Variants in PID1 observed in about 807,000 individuals in gnomAD.
PID1 encodes the protein PTB-containing, cubilin and LRP1-interacting protein.
PID1 carries 10 observed loss-of-function variants against 19.1 expected under a neutral mutation model. The observed-to-expected ratio is 0.52, with a 90% CI of 0.32 to 0.89. The LOEUF (loss-of-function observed/expected upper bound fraction) is 0.89. Ranked by LOEUF, PID1 falls within the 40% of genes least tolerant of loss-of-function variation. The probability of loss-of-function intolerance (pLI) is 0.03; values close to 1 mark genes in which losing one functional copy is unlikely to be tolerated. For missense variants in PID1, 248 were observed against 285.3 expected (o/e 0.87, Z 0.94); for synonymous variants, 130 against 116.0 (o/e 1.12, Z -0.78).
At chr2:229,193,776 C>A (rs1185324235) in intron 1 of PID1, among the ~76,000 whole-genome samples, 2 of 148,586 alleles carry the variant, frequency 1.3e-5, no homozygotes. Flanking sequence ...ATATCGTAGC[C>A]TTATTGGGAA....
At chr2:229,199,551 A>C (rs937773957) in intron 1 of PID1, among the ~76,000 whole-genome samples, 1 of 151,904 alleles carries the variant, frequency 6.6e-6, no homozygotes, top group Non-Finnish European at 1.5e-5. Context: ...TTTTCAAATA[A>C]TAAGAACACA....
intron 1 of PID1, chr2:229,227,811 C>T: frequency 3.2e-6 from 1 of 314,512 alleles, no homozygotes; most frequent in Non-Finnish European, 6.4e-6. Context: ...AGACTTTTTT[C>T]TTGTCATTAT....
chr2:229,265,818 G>T lies in PID1; in HGVS notation c.30+5196C>A, dbSNP rs144267420. ...CAAGGCTAATTTTCATGGTAGAATGGGGTCAGTGTGGAGGGGTATTGGTAT... is the reference window on the plus strand; with the variant it reads ...CAAGGCTAATTTTCATGGTAGAATGTGGTCAGTGTGGAGGGGTATTGGTAT... On this transcript the variant is annotated intron_variant, in intron 1 of 2. Coordinates refer to ENST00000392055, the MANE Select transcript of PID1 (RefSeq NM_001100818.2). Among the ~76,000 whole-genome samples the T allele has an allele frequency of 9.0e-4, 137 of 152,278 alleles. 1 individual carries two copies. Among genetic ancestry groups the T allele is most frequent in the Non-Finnish European group, 1.4e-3 (94 of 68,016 alleles).
At chr2:229,263,934 A>C (rs986624222) in intron 1 of PID1, among the ~76,000 whole-genome samples, 4 of 152,160 alleles carry the variant, frequency 2.6e-5, no homozygotes, top group Admixed American at 1.3e-4. Flanking sequence ...TATTACTGAC[A>C]CTACTACTAA....
At chr2:229,263,076 T>C (rs763210543) in intron 1 of PID1, among the ~76,000 whole-genome samples, 2 of 152,232 alleles carry the variant, frequency 1.3e-5, no homozygotes, top group African/African-American at 2.4e-5. Context: ...GAATAACATA[T>C]GGAGGCTTGG....
intron 2 of PID1, among the ~76,000 whole-genome samples, chr2:229,100,813 G>A (rs1695058943): frequency 6.6e-6 from 1 of 152,148 alleles, no homozygotes; most frequent in Admixed American, 6.5e-5. Flanking sequence ...GAAACAGAAG[G>A]TTCCAAGTAG....
chr2:229,162,678 C>T (rs1343878820), intron 1 of PID1, among the ~76,000 whole-genome samples: 2 of 152,200 alleles, frequency 1.3e-5, no homozygotes, highest in Non-Finnish European at 2.9e-5. Flanking sequence ...ACAGAAAACA[C>T]TAGGGCTTTG....
At chr2:229,214,236 C>T (rs865922221) in intron 1 of PID1, among the ~76,000 whole-genome samples, 1 of 151,836 alleles carries the variant, frequency 6.6e-6, no homozygotes, top group Admixed American at 6.6e-5. Context: ...AACAGCATAA[C>T]TCTAGCAAGT....
intron 1 of PID1, among the ~76,000 whole-genome samples, chr2:229,221,021 G>T (rs527390960): frequency 6.6e-6 from 1 of 152,108 alleles, no homozygotes; most frequent in African/African-American, 2.4e-5. Flanking sequence ...TGAATTGGCC[G>T]ATCAGTGTAG....
chr2:229,234,311 GCCAGGTGGGT>G (rs1311894656), intron 1 of PID1, among the ~76,000 whole-genome samples: 3 of 152,052 alleles, frequency 2.0e-5, no homozygotes, highest in African/African-American at 7.2e-5. Context: ...TAGTGGGTTA[GCCAGGTGGGT>G]CCAGTGTAAT....
At chr2:229,138,891 G>A (rs1689913209) in intron 2 of PID1, among the ~76,000 whole-genome samples, 1 of 150,730 alleles carries the variant, frequency 6.6e-6, no homozygotes, top group Non-Finnish European at 1.5e-5. Context: ...AGCGGGTGGG[G>A]AAAAGAGCAC....
chr2:229,153,156 A>AT (rs970212634), intron 2 of PID1, among the ~76,000 whole-genome samples: 3 of 152,206 alleles, frequency 2.0e-5, no homozygotes, highest in African/African-American at 7.2e-5. Context: ...GTTCAAATAG[A>AT]TTTTTTTAAC....
intron 2 of PID1, among the ~76,000 whole-genome samples, chr2:229,136,709 C>G (rs764563431): frequency 7.2e-5 from 11 of 152,150 alleles, no homozygotes; most frequent in Admixed American, 3.3e-4. Flanking sequence ...TATCCAGAAC[C>G]TCAGGGACAC....
At chr2:229,115,315 G>A (rs1695387961) in intron 2 of PID1, among the ~76,000 whole-genome samples, 1 of 151,270 alleles carries the variant, frequency 6.6e-6, no homozygotes, top group African/African-American at 2.4e-5. Context: ...AGACCAGCCT[G>A]GGCAACACAG....
chr2:229,269,185 A>C lies in PID1; in HGVS notation c.30+1829T>G, dbSNP rs1181616518. 2.0e-5 allele frequency among the ~76,000 whole-genome samples: 3 copies of C among 151,314 alleles called. No individual in the cohort carries two copies. In the South Asian group the frequency reaches 6.2e-4, roughly 31 times the overall value. On this transcript the variant is annotated intron_variant, in intron 1 of 2. Coordinates refer to ENST00000392055, the MANE Select transcript of PID1 (RefSeq NM_001100818.2). ...CTTATTGGTGATAAGCCCTGTTTAT[A>C]TGAGCTTTCAAAAGCCTAAAAACAG...
chr2:229,108,510 C>T (rs190356396), intron 2 of PID1, among the ~76,000 whole-genome samples: 59 of 152,352 alleles, frequency 3.9e-4, no homozygotes, highest in Non-Finnish European at 7.3e-4. Flanking sequence ...TACATAGAGT[C>T]TGCCAGCCCT....
intron 1 of PID1, among the ~76,000 whole-genome samples, chr2:229,223,015 T>C (rs1692006005): frequency 6.6e-6 from 1 of 152,152 alleles, no homozygotes; most frequent in South Asian, 2.1e-4. Flanking sequence ...CTATTATAAA[T>C]ACTATTGCAG....
Position 229,111,220 on chromosome 2 carries a change from G to A in PID1, c.177+44598C>T, listed in dbSNP as rs530900193. Among the ~76,000 whole-genome samples, 97 of 152,210 alleles carry A rather than the reference G, an allele frequency of 6.4e-4. 1 individual carries two copies. Among genetic ancestry groups the A allele is most frequent in the African/African-American group, 2.3e-3 (95 of 41,538 alleles). On this transcript the variant is annotated intron_variant, in intron 2 of 2. Coordinates refer to ENST00000392055, the MANE Select transcript of PID1 (RefSeq NM_001100818.2). ...TCTCGAGTATGTCTTTATTAGCAGT[G>A]AGAATGGACTAATACAGAGCCCAAG...
intron 1 of PID1, among the ~76,000 whole-genome samples, chr2:229,188,697 C>A (rs1051047627): frequency 6.7e-6 from 1 of 148,184 alleles, no homozygotes; most frequent in African/African-American, 2.5e-5. Flanking sequence ...TGAGATCGTA[C>A]CACTGCACTC....
Sources: allele counts gnomAD v4.1 joint callset (sites outside exome capture counted in the v4.1 genomes callset), GRCh38; gene constraint gnomAD v4.1.1; transcripts MANE v1.5; gene names NCBI Gene and HGNC (gene_info 2026-07-23, HGNC 2026-07-21).